EP400: variants seen among roughly 807,000 people sequenced by gnomAD.
EP400 encodes E1A-binding protein p400.
A neutral mutation model predicts 354.1 loss-of-function variants in EP400; 105 were observed. The ratio of observed to expected loss-of-function variants is 0.30; its 90% confidence interval spans 0.25 to 0.35. EP400 has a LOEUF of 0.35. Ranked by LOEUF, EP400 falls within the 10% of genes least tolerant of loss-of-function variation. The pLI is 1.00. For synonymous variants in EP400, 1,646 were observed against 1,716.9 expected (o/e 0.96, Z 1.02); for missense variants, 3,280 against 4,121.0 (o/e 0.80, Z 5.59).
chr12:132,009,484 G>A (rs904763507), intron 15 of EP400, among the ~76,000 whole-genome samples: 2 of 152,196 alleles, frequency 1.3e-5, no homozygotes, highest in African/African-American at 4.8e-5. Flanking sequence ...GGGAGATGGG[G>A]CAGTGGGGGT....
At position 132,045,810 on chromosome 12, in the gene EP400, C is replaced by G; in HGVS notation, c.7110C>G (p.Asp2370Glu). Reference sequence around the variant, plus strand: ...CACCTAATTGGGATCTTGTCAGTGACGTTGTTAACTCCTGTAGCCGAATCT... The same window carrying G: ...CACCTAATTGGGATCTTGTCAGTGAGGTTGTTAACTCCTGTAGCCGAATCT... ...AHTPNWDLVS[D>E]VVNSCSRIYR... The change falls in exon 39 of 53, where the codon GAC (aspartate) becomes GAG (glutamate). Residue 2370 changes from aspartate to glutamate, a missense_variant. Asp to Glu is a conservative substitution (Grantham distance 45). Transcript: ENST00000389561. 3 of 1,614,230 alleles carry G rather than the reference C, an allele frequency of 1.9e-6. No individual in the cohort carries two copies. Among genetic ancestry groups the G allele is most frequent in the South Asian group, 1.1e-5 (1 of 91,084 alleles).
rs560001670 is a variant in EP400, at chr12:132,072,223, G to GGCT, written c.9021+2583_9021+2584insCTG. ...CAGTTCTCCCTCCTCAGCCTCCGGA[G>GGCT]GGCCCGGGACCGCAGGTGTGTGCCA... is the stretch of plus-strand genomic sequence containing the variant. On this transcript the variant is annotated intron_variant, in intron 51 of 52. Coordinates refer to ENST00000389561, the MANE Select transcript of EP400 (RefSeq NM_015409.5). 7.9e-5 allele frequency among the ~76,000 whole-genome samples: 12 copies of GGCT among 152,206 alleles called. No individual in the cohort carries two copies. In the South Asian group the frequency reaches 2.1e-3, roughly 26 times the overall value.
chr12:132,066,649 G>GTC, intron 48 of EP400, 125 bp from the exon 49 acceptor site: 2 of 1,012,548 alleles, frequency 2.0e-6, no homozygotes, highest in South Asian at 1.6e-5. Context: ...TTTCCTGTTG[G>GTC]GCCACTTTAA....
At chr12:132,045,647 T>G (rs1895070661) in intron 38 of EP400, 80 bp from the exon 39 acceptor site, 1 of 1,603,346 alleles carries the variant, frequency 6.2e-7, no homozygotes, top group African/African-American at 1.3e-5. Context: ...GTGATCACTT[T>G]GCAGGGAGTC....
Position 132,023,055 on chromosome 12 carries a change from G to T in EP400, c.4691-722G>T, listed in dbSNP as rs192736818. Among the ~76,000 whole-genome samples the T allele has an allele frequency of 1.8e-3, 275 of 151,438 alleles. 2 individuals carry two copies. The highest frequency in any genetic ancestry group is 3.3e-3 in the Non-Finnish European group (224 of 67,882). On this transcript the variant is annotated intron_variant, in intron 23 of 52. Transcript: ENST00000389561. ...TCTCTTTGTGAGCTAAATTGGACAG[G>T]TACTTTTCACATTTTTAAAGTTCTC...
chr12:132,067,519 C>T lies in EP400; in HGVS notation c.8874+33C>T. 1 of 1,598,420 alleles carries T rather than the reference C, an allele frequency of 6.3e-7. No individual in the cohort carries two copies. The highest frequency in any genetic ancestry group is 8.5e-7 in the Non-Finnish European group (1 of 1,174,150). ...GGCTAGGGGATTCTCACTTCTGGGT[C>T]TATGCCAAGCCAAAGCTGGCTGCTG... is the stretch of plus-strand genomic sequence containing the variant. On this transcript the variant is annotated intron_variant, in intron 50 of 52. Coordinates refer to ENST00000389561, the MANE Select transcript of EP400 (RefSeq NM_015409.5). This position sits in a 1 kb window ranked among gnomAD's most constrained non-coding sequence, Gnocchi z 5.3.
Position 131,994,830 on chromosome 12 carries a change from G to A in EP400, c.2738-37G>A, listed in dbSNP as rs753418477. 6.3e-6 allele frequency: 10 copies of A among 1,578,884 alleles called. No individual in the cohort carries two copies. Among genetic ancestry groups the A allele is most frequent in the Non-Finnish European group, 8.7e-6 (10 of 1,148,826 alleles). ...AATGAGTAACAGACACTCAAGTGGT[G>A]TTGCCTCTCAGTGACACTTGCTGAT... On this transcript the variant is annotated intron_variant, in intron 11 of 52. Coordinates refer to ENST00000389561, the MANE Select transcript of EP400 (RefSeq NM_015409.5). This position sits in a 1 kb window ranked among gnomAD's most constrained non-coding sequence, Gnocchi z 4.6.
chr12:131,964,462 G>A (rs1040502376), intron 2 of EP400, among the ~76,000 whole-genome samples: 17 of 152,094 alleles, frequency 1.1e-4, no homozygotes, highest in African/African-American at 3.9e-4. Context: ...GCAGGACTCC[G>A]TCTCAAAAAC....
chr12:132,064,007 C>T lies in EP400; in HGVS notation c.8335-661C>T, dbSNP rs958769538. Among the ~76,000 whole-genome samples the T allele has an allele frequency of 1.2e-4, 18 of 147,266 alleles. No homozygotes were observed. In the South Asian group the frequency reaches 1.8e-3, roughly 14 times the overall value. ...CACACAGGTACCTTGTCACCTGCCC[C>T]GGTTCAACCACTGATGACCCCCCCC... On this transcript the variant is annotated intron_variant, in intron 47 of 52. Transcript: ENST00000389561.
intron 2 of EP400, among the ~76,000 whole-genome samples, chr12:131,964,668 G>A (rs920137194): frequency 1.3e-5 from 2 of 152,090 alleles, no homozygotes; most frequent in African/African-American, 4.8e-5. Context: ...AAATTTATCA[G>A]TTGTTTTTGC....
At position 132,054,889 on chromosome 12, in the gene EP400, T is replaced by C; in HGVS notation, c.7729-85T>C. On this transcript the variant is annotated intron_variant, in intron 43 of 52. Transcript: ENST00000389561. The surrounding 1 kb of genome is among the most constrained non-coding windows in gnomAD (Gnocchi z 4.0). ...TGAATGTCGTGGAGTTTGGATTTGA[T>C]TCTGAATGAAGTGGAAGCCTTTGGA... The C allele has an allele frequency of 1.4e-6, 2 of 1,391,470 alleles. No homozygotes were observed. The highest frequency in any genetic ancestry group is 2.0e-6 in the Non-Finnish European group (2 of 982,558). The allele number at this position is 1,391,470 out of a possible 1,614,324, so 86.2% of individuals were successfully genotyped here.
At chr12:132,039,430 G>A (rs1207663686) in intron 32 of EP400, among the ~76,000 whole-genome samples, 1 of 152,100 alleles carries the variant, frequency 6.6e-6, no homozygotes, top group Non-Finnish European at 1.5e-5. Context: ...CAGGCAGCAG[G>A]CTCCCTTTAA....
At position 132,030,047 on chromosome 12, in the gene EP400, G is replaced by A. The variant is rs2136555635; in HGVS notation, c.5643G>A (p.Val1881=). ...AATTGAAATCTGAAGGACGTCGGGT[G>A]CTGATTTTATCACAGATGATTCTTA... ...LQKLKSEGRR[V]LILSQMILML... is the part of the protein sequence containing the mutation. Residue 1881 remains valine (V), a synonymous_variant, in exon 29 of 53, where the codon GTG becomes GTA. Coordinates refer to ENST00000389561, the MANE Select transcript of EP400 (RefSeq NM_015409.5). 1.9e-6 allele frequency: 3 copies of A among 1,614,230 alleles called. No homozygotes were observed. Among genetic ancestry groups the A allele is most frequent in the Non-Finnish European group, 2.5e-6 (3 of 1,180,052 alleles).
intron 45 of EP400, among the ~76,000 whole-genome samples, chr12:132,059,171 G>C (rs958963976): frequency 6.6e-6 from 1 of 152,158 alleles, no homozygotes; most frequent in Non-Finnish European, 1.5e-5. Flanking sequence ...TCAGCTTGTG[G>C]AATGAGGGAA....
intron 52 of EP400, 54 bp downstream of exon 52, chr12:132,076,647 T>G (rs115486464): frequency 1.3e-6 from 2 of 1,513,280 alleles, no homozygotes; most frequent in African/African-American, 2.8e-5. Context: ...AGAGAATGGG[T>G]TGTTTTCATC....
rs1895998169 is a variant in EP400 at position 132,069,302 on chromosome 12, T to A, written c.8875-193T>A. 4.2e-6 allele frequency: 3 copies of A among 715,962 alleles called. No homozygotes were observed. The South Asian group carries it at 7.9e-5, about 19-fold the overall frequency. 44.4% of individuals were successfully genotyped at this position (715,962 alleles called of 1,614,324 possible). ...AGGAGAAGCTGGCGGCCATGCCGCA[T>A]GGGCAGAGGTAGGCCTGGAGGCAGC... On this transcript the variant is annotated intron_variant, in intron 50 of 52. Transcript: ENST00000389561.
Position 131,986,708 on chromosome 12 carries a change from G to T in EP400, c.2124G>T (p.Gly708=), listed in dbSNP as rs1892866393. 5 of 1,614,136 alleles carry T rather than the reference G, an allele frequency of 3.1e-6. No homozygotes were observed. Among genetic ancestry groups the T allele is most frequent in the Non-Finnish European group, 3.4e-6 (4 of 1,180,018 alleles). ...CTCCAGTCACTTCCCGGACCCCAGGGGTGGTGGCATCTGCCCCCACCAAAC... is the reference window on the plus strand; with the variant it reads ...CTCCAGTCACTTCCCGGACCCCAGGTGTGGTGGCATCTGCCCCCACCAAAC... ...ALSPVTSRTP[G]VVASAPTKPQ... The change falls in exon 6 of 53, where the codon GGG becomes GGT. Residue 708 remains glycine, a synonymous_variant. Coordinates refer to ENST00000389561, the MANE Select transcript of EP400 (RefSeq NM_015409.5).
rs563673267 is a variant in EP400 at position 132,078,115 on chromosome 12, C to A, written c.*442C>A. 3.7e-5 allele frequency: 6 copies of A among 162,612 alleles called. No individual in the cohort carries two copies. The South Asian group carries it at 8.6e-4, about 23-fold the overall frequency. 10.1% of individuals were successfully genotyped at this position (162,612 alleles called of 1,614,324 possible). Reference sequence around the variant, plus strand: ...CCACAGTGTCTGCCAGAGTTTAGTTCTTTATACCTTACTGAAAAATGCCTC... The same window carrying A: ...CCACAGTGTCTGCCAGAGTTTAGTTATTTATACCTTACTGAAAAATGCCTC... On this transcript the variant is annotated 3_prime_UTR_variant, in exon 53 of 53. Transcript: ENST00000389561.
intron 11 of EP400, among the ~76,000 whole-genome samples, chr12:131,993,613 G>C (rs1278777053): frequency 6.6e-6 from 1 of 152,222 alleles, no homozygotes; most frequent in African/African-American, 2.4e-5. Context: ...TATTCTGAGA[G>C]ATGCGTTGCT....
Sources: gnomAD v4.1 joint callset for allele counts (sites outside exome capture counted in the v4.1 genomes callset) on GRCh38, gnomAD v4.1.1 for gene constraint, Gnocchi (gnomAD v3.1) non-coding constraint, MANE v1.5 for transcripts, NCBI Gene and HGNC (gene_info 2026-07-23, HGNC 2026-07-21) for gene names.